Variants in MACROD2 observed in about 807,000 individuals in gnomAD.
MACROD2 encodes mono-ADP ribosylhydrolase 2.
In MACROD2, 36 loss-of-function variants were observed where a neutral mutation model predicts 70.4. The observed-to-expected ratio is 0.51, with a 90% CI of 0.39 to 0.68. The LOEUF (loss-of-function observed/expected upper bound fraction) is 0.68, where lower values mean the gene tolerates loss of function less well. Ranked by LOEUF, MACROD2 falls within the 30% of genes least tolerant of loss-of-function variation. The pLI is 0.00. For missense variants in MACROD2, 496 were observed against 538.4 expected, an observed-to-expected ratio of 0.92 and a Z score of 0.78; for synonymous variants, 172 against 178.8, an observed-to-expected ratio of 0.96 and a Z score of 0.30.
chr20:15,079,118 CT>C, intron 5 of MACROD2, among the ~76,000 whole-genome samples: 1 of 152,146 alleles, frequency 6.6e-6, no homozygotes, highest in East Asian at 1.9e-4. Context: ...ATTTTTCCTT[CT>C]CTTCTAGAAA....
At chr20:14,860,227 T>C (rs939249973) in intron 5 of MACROD2, among the ~76,000 whole-genome samples, 3 of 152,164 alleles carry the variant, frequency 2.0e-5, no homozygotes, top group Non-Finnish European at 4.4e-5. Flanking sequence ...TCAAATAAAT[T>C]GAAAAGTACA....
chr20:15,205,003 A>G (rs1323566318), intron 5 of MACROD2, among the ~76,000 whole-genome samples: 1 of 152,140 alleles, frequency 6.6e-6, no homozygotes, highest in Non-Finnish European at 1.5e-5. Flanking sequence ...CAGATAAAAT[A>G]ATGTTCTATA....
intron 10 of MACROD2, among the ~76,000 whole-genome samples, chr20:15,924,789 A>G (rs954510891): frequency 6.6e-6 from 1 of 152,252 alleles, no homozygotes; most frequent in African/African-American, 2.4e-5. Flanking sequence ...TTCAGCAAAA[A>G]AAAAGCAAAG....
chr20:15,522,467 C>T (rs897207413), intron 8 of MACROD2, among the ~76,000 whole-genome samples: 5 of 152,194 alleles, frequency 3.3e-5, no homozygotes, highest in African/African-American at 1.2e-4. Context: ...ATGGTGTTCT[C>T]ATTTGCAAAG....
At chr20:14,571,748 G>C (rs1318414940) in intron 4 of MACROD2, among the ~76,000 whole-genome samples, 3 of 152,050 alleles carry the variant, frequency 2.0e-5, no homozygotes, top group Admixed American at 2.0e-4. Flanking sequence ...TGAATTGTCA[G>C]AAATAGATTT....
intron 5 of MACROD2, among the ~76,000 whole-genome samples, chr20:15,164,669 G>A (rs766162044): frequency 6.7e-4 from 102 of 152,158 alleles, no homozygotes; most frequent in Non-Finnish European, 1.3e-3. Context: ...GCCAAGACAG[G>A]AGGACCACTT....
intron 10 of MACROD2, among the ~76,000 whole-genome samples, chr20:15,920,567 G>A (rs1289342191): frequency 1.3e-5 from 2 of 151,890 alleles, no homozygotes; most frequent in African/African-American, 2.4e-5. Context: ...GACCTCTGTT[G>A]CATTTCTCAT....
intron 4 of MACROD2, among the ~76,000 whole-genome samples, chr20:14,678,964 C>A (rs373853761): frequency 8.1e-5 from 12 of 148,926 alleles, no homozygotes; most frequent in African/African-American, 1.2e-4. Flanking sequence ...AAAAAAAAAA[C>A]AACACATTAC....
chr20:15,295,698 C>T (rs1230158505), intron 6 of MACROD2, among the ~76,000 whole-genome samples: 1 of 152,070 alleles, frequency 6.6e-6, no homozygotes, highest in Non-Finnish European at 1.5e-5. Context: ...CCACCACTCA[C>T]ACCCCCCAAC....
chr20:14,532,570 T>C (rs1291097878), intron 4 of MACROD2, among the ~76,000 whole-genome samples: 2 of 152,116 alleles, frequency 1.3e-5, no homozygotes. Context: ...TTAAGAGCCA[T>C]TACTTATTAC....
chr20:15,282,406 TC>T (rs1197625783), intron 6 of MACROD2, among the ~76,000 whole-genome samples: 1 of 152,200 alleles, frequency 6.6e-6, no homozygotes, highest in Admixed American at 6.5e-5. Flanking sequence ...AAGTTCCAAT[TC>T]CAAACCACAT....
At chr20:15,890,509 A>G (rs759460531) in intron 10 of MACROD2, among the ~76,000 whole-genome samples, 6 of 152,160 alleles carry the variant, frequency 3.9e-5, no homozygotes, top group Admixed American at 6.5e-5. Context: ...TGCTCCAAGC[A>G]TCTCATTTCT....
intron 8 of MACROD2, among the ~76,000 whole-genome samples, chr20:15,628,670 G>A (rs2049243031): frequency 6.6e-6 from 1 of 152,236 alleles, no homozygotes; most frequent in African/African-American, 2.4e-5. Flanking sequence ...GACACTCAGT[G>A]CCATTCAGCT....
chr20:15,152,540 G>T (rs577000452), intron 5 of MACROD2, among the ~76,000 whole-genome samples: 1 of 151,916 alleles, frequency 6.6e-6, no homozygotes, highest in African/African-American at 2.4e-5. Flanking sequence ...AGAGGTCAGG[G>T]TTCCTGCCCC....
At chr20:14,457,935 A>G (rs1325082458) in intron 3 of MACROD2, among the ~76,000 whole-genome samples, 3 of 152,142 alleles carry the variant, frequency 2.0e-5, no homozygotes, top group Non-Finnish European at 1.5e-5. Context: ...CCTCATCTCT[A>G]CTAAAAATAC....
chr20:14,750,355 C>T (rs1017860294), intron 5 of MACROD2, among the ~76,000 whole-genome samples: 6 of 152,016 alleles, frequency 3.9e-5, no homozygotes, highest in Admixed American at 6.6e-5. Context: ...TTCATAAAAA[C>T]GTTAATCTTC....
intron 9 of MACROD2, among the ~76,000 whole-genome samples, chr20:15,880,826 A>G (rs1336521052): frequency 6.6e-6 from 1 of 152,010 alleles, no homozygotes; most frequent in Non-Finnish European, 1.5e-5. Flanking sequence ...AGGAACAAGG[A>G]GTTATAGGCA....
chr20:15,266,938 T>A (rs940521108), intron 6 of MACROD2, among the ~76,000 whole-genome samples: 1 of 152,234 alleles, frequency 6.6e-6, no homozygotes, highest in Admixed American at 6.5e-5. Flanking sequence ...GCGGGGGGCA[T>A]GAGAAGGCAT....
intron 5 of MACROD2, among the ~76,000 whole-genome samples, chr20:14,983,035 C>A (rs1357593313): frequency 6.6e-6 from 1 of 152,194 alleles, no homozygotes; most frequent in Admixed American, 6.5e-5. Context: ...ACTATGGGAA[C>A]CCACCTCTAG....
Sources: allele counts gnomAD v4.1 joint callset (sites outside exome capture counted in the v4.1 genomes callset), GRCh38; gene constraint gnomAD v4.1.1; transcripts MANE v1.5; gene names NCBI Gene and HGNC (gene_info 2026-07-23, HGNC 2026-07-21).